The following CSRNP2 variants were observed in gnomAD, a reference collection of about 807,000 sequenced individuals.
The protein encoded by CSRNP2 is cysteine and serine rich nuclear protein 2, also known as cysteine/serine-rich nuclear protein 2.
CSRNP2 carries 11 observed loss-of-function variants against 36.6 expected under a neutral mutation model. That is an observed-to-expected ratio of 0.30 (90% confidence interval 0.19 to 0.50). The LOEUF is 0.50. Among genes scored for constraint, CSRNP2 ranks in the 20% least tolerant of loss-of-function variants. CSRNP2 has a pLI of 0.98. For synonymous variants in CSRNP2, 248 were observed against 275.3 expected (o/e 0.90, Z 0.98); for missense variants, 483 against 691.4 (o/e 0.70, Z 3.38).
rs181065280 is a variant in CSRNP2, at chr12:51,072,466, G to A, written c.411+1357C>T. Among the ~76,000 whole-genome samples, 99 of 150,348 alleles carry A rather than the reference G, an allele frequency of 6.6e-4. 2 individuals are homozygous for A. Among genetic ancestry groups the A allele is most frequent in the Admixed American group, 6.5e-3 (97 of 14,936 alleles). On this transcript the variant is annotated intron_variant, in intron 3 of 4. Transcript: ENST00000228515. ...TAGTCCCAGCTATTCAGGAGGCTGAGGCAGGAGAATGGTGTGAACCCGGGA... is the reference window on the plus strand; with the variant it reads ...TAGTCCCAGCTATTCAGGAGGCTGAAGCAGGAGAATGGTGTGAACCCGGGA...
rs539424168 is a variant in CSRNP2 at position 51,076,658 on chromosome 12, A to G, written c.-86-11T>C. ...AGGTACATTAGGATTCTGCCCAGGG[A>G]AAAAAAGGAATCAGCATTCCTGTCC... On this transcript the variant is annotated splice_polypyrimidine_tract_variant and intron_variant, in intron 1 of 4. Transcript: ENST00000228515. 28 of 1,365,252 alleles carry G rather than the reference A, an allele frequency of 2.1e-5. No individual in the cohort carries two copies. The highest frequency in any genetic ancestry group is 1.5e-4 in the Admixed American group (8 of 53,490). The allele number at this position is 1,365,252 out of a possible 1,614,324, so 84.6% of individuals were successfully genotyped here.
chr12:51,067,928 G>A lies in CSRNP2; in HGVS notation c.453C>T (p.Gly151=), dbSNP rs1231862657. 5 of 1,614,022 alleles carry A rather than the reference G, an allele frequency of 3.1e-6. No homozygotes were observed. The highest frequency in any genetic ancestry group is 4.2e-6 in the Non-Finnish European group (5 of 1,180,014). The change falls in exon 4 of 5, where the codon GGC becomes GGT. Residue 151 remains glycine, a synonymous_variant. Coordinates refer to ENST00000228515, the MANE Select transcript of CSRNP2 (RefSeq NM_030809.3). The surrounding 1 kb of genome is among the most constrained non-coding windows in gnomAD (Gnocchi z 4.1). ...CATCTGACACATCATCCAGCGTCAG[G>A]CCATCAGCCTCCACCGACTCCACTG... The part of the protein sequence containing the change: ...NGTVESVEAD[G]LTLDDVSDED...
At chr12:51,071,905 TCAGA>T (rs939471123) in intron 3 of CSRNP2, among the ~76,000 whole-genome samples, 1 of 152,122 alleles carries the variant, frequency 6.6e-6, no homozygotes, top group African/African-American at 2.4e-5. Flanking sequence ...ATGGAATTCC[TCAGA>T]CAGAGGAAAG....
Position 51,069,418 on chromosome 12 carries a change from C to A in CSRNP2, c.412-1449G>T, listed in dbSNP as rs140066046. Among the ~76,000 whole-genome samples the A allele has an allele frequency of 6.8e-4, 99 of 145,964 alleles. No homozygotes were observed. In the East Asian group the frequency reaches 0.018, roughly 27 times the overall value. ...TCTCCTGCCTCAGCCTTCCAAGTAG[C>A]TGGAATTACAGGCTCCTGCCACCAT... On this transcript the variant is annotated intron_variant, in intron 3 of 4. Coordinates refer to ENST00000228515, the MANE Select transcript of CSRNP2 (RefSeq NM_030809.3).
rs1364313109 is a variant in CSRNP2 at position 51,067,675 on chromosome 12, G to A, written c.706C>T (p.Gln236Ter). Residue 236 changes from glutamine (Q) to a stop codon, truncating the protein, a stop_gained and splice_region_variant, in exon 4 of 5, where the codon CAG (glutamine) becomes TAG (stop). Coordinates refer to ENST00000228515, the MANE Select transcript of CSRNP2 (RefSeq NM_030809.3). LOFTEE classifies it high-confidence loss of function. This position sits in a 1 kb window ranked among gnomAD's most constrained non-coding sequence, Gnocchi z 4.1. ...CACSQAGIKC[Q>*]VDRMSFPCGC... ...ATCTCAGGCCAACTTGGACTGACCT[G>A]GCATTTAATCCCAGCCTGGCTGCAG... The A allele has an allele frequency of 6.2e-7, 1 of 1,612,994 alleles. No individual in the cohort carries two copies. The highest frequency in any genetic ancestry group is 8.5e-7 in the Non-Finnish European group (1 of 1,179,252).
intron 4 of CSRNP2, among the ~76,000 whole-genome samples, chr12:51,065,305 T>C (rs1035125830): frequency 6.6e-6 from 1 of 152,190 alleles, no homozygotes; most frequent in African/African-American, 2.4e-5. Context: ...ACCAAGATAA[T>C]TAACTTACAG....
intron 1 of CSRNP2, among the ~76,000 whole-genome samples, chr12:51,079,238 G>A (rs1334147249): frequency 7.9e-5 from 12 of 151,916 alleles, no homozygotes; most frequent in Admixed American, 5.2e-4. Flanking sequence ...TGGGGGAAGC[G>A]GGGAGGGATT....
rs567119347 is a variant in CSRNP2, at chr12:51,074,149, G to A, written c.152-67C>T. The stretch of plus-strand genomic sequence containing the variant: ...TTTATTTATTTAGAGATGGAGTCTC[G>A]CTCTGTTGCCCAGGCTGGAGTGCTG... On this transcript the variant is annotated intron_variant, in intron 2 of 4. Transcript: ENST00000228515. 2.8e-4 allele frequency: 425 copies of A among 1,507,748 alleles called. 8 individuals are homozygous for A. The East Asian group carries it at 0.01, about 37-fold the overall frequency. 93.4% of individuals were successfully genotyped at this position (1,507,748 alleles called of 1,614,324 possible). A position where few individuals can be genotyped will look rare whatever the true frequency, so the allele number is the denominator to read the frequency against.
intron 4 of CSRNP2, among the ~76,000 whole-genome samples, chr12:51,066,959 AC>A (rs35837658): frequency 0.16 from 24,556 of 151,816 alleles, 2,192 homozygotes; most frequent in South Asian, 0.26. Context: ...CCTCTTGAGT[AC>A]CTGGGACTAC....
chr12:51,073,785 C>G (rs965812531), intron 3 of CSRNP2, 38 bp downstream of exon 3: 2 of 1,579,726 alleles, frequency 1.3e-6, no homozygotes, highest in Admixed American at 1.9e-5. Flanking sequence ...AAATGGTTTC[C>G]TACATGGACA....
At position 51,063,472 on chromosome 12, in the gene CSRNP2, A is replaced by G; in HGVS notation, c.*274T>C. 1 of 238,906 alleles carries G rather than the reference A, an allele frequency of 4.2e-6. No individual in the cohort carries two copies. The highest frequency in any genetic ancestry group is 1.3e-3 in the Middle Eastern group (1 of 784). The allele number at this position is 238,906 out of a possible 1,614,324, so 14.8% of individuals were successfully genotyped here. The stretch of plus-strand genomic sequence containing the variant: ...TACCCAGCTTTTCCTGTGAGATCCT[A>G]GTTCTTTGTTCCAGTGGCCCAGAAA... On this transcript the variant is annotated 3_prime_UTR_variant, in exon 5 of 5. Coordinates refer to ENST00000228515, the MANE Select transcript of CSRNP2 (RefSeq NM_030809.3).
At chr12:51,082,123 TA>T (rs1939667547) in intron 1 of CSRNP2, among the ~76,000 whole-genome samples, 1 of 152,240 alleles carries the variant, frequency 6.6e-6, no homozygotes, top group Non-Finnish European at 1.5e-5. Flanking sequence ...TAAACCTGAA[TA>T]AAATGACCTG....
intron 1 of CSRNP2, chr12:51,083,120 C>G (rs556367688): frequency 6.6e-6 from 1 of 152,614 alleles, no homozygotes; most frequent in South Asian, 2.1e-4. Flanking sequence ...TCCGGGCCAG[C>G]GTCCTCGGTG....
chr12:51,067,991 T>C lies in CSRNP2; in HGVS notation c.412-22A>G. On this transcript the variant is annotated intron_variant, in intron 3 of 4. Coordinates refer to ENST00000228515, the MANE Select transcript of CSRNP2 (RefSeq NM_030809.3). This position sits in a 1 kb window ranked among gnomAD's most constrained non-coding sequence, Gnocchi z 4.1. ...TCAGCTGCCAAGAGACAGGAAAGGT[T>C]AGCCTCATAGACATGAGCGGCATGC... 6.2e-7 allele frequency: 1 copy of C among 1,607,466 alleles called. No individual in the cohort carries two copies. Among genetic ancestry groups the C allele is most frequent in the Non-Finnish European group, 8.5e-7 (1 of 1,175,524 alleles).
In CSRNP2 at chr12:51,062,381, C is replaced by T. The variant is rs944919097; in HGVS notation, c.*1365G>A. On this transcript the variant is annotated 3_prime_UTR_variant, in exon 5 of 5. Coordinates refer to ENST00000228515, the MANE Select transcript of CSRNP2 (RefSeq NM_030809.3). ...GCTCCCTACTGCCTCCATTTTAGAA[C>T]AGAGACAAAGATCACTTTGCTAATG... 6.6e-6 allele frequency: 1 copy of T among 152,190 alleles called. No individual in the cohort carries two copies. Among genetic ancestry groups the T allele is most frequent in the Non-Finnish European group, 1.5e-5 (1 of 68,024 alleles). The allele number at this position is 152,190 out of a possible 1,614,324, so 9.4% of individuals were successfully genotyped here.
chr12:51,068,539 T>G lies in CSRNP2; in HGVS notation c.412-570A>C, dbSNP rs545946074. ...AAATCCAGAGTGGGAAGATGGGAAA[T>G]CTTACGTACCATCACCTTTCTGGGT... On this transcript the variant is annotated intron_variant, in intron 3 of 4. Coordinates refer to ENST00000228515, the MANE Select transcript of CSRNP2 (RefSeq NM_030809.3). 3.9e-5 allele frequency among the ~76,000 whole-genome samples: 6 copies of G among 152,276 alleles called. No individual in the cohort carries two copies. The Middle Eastern group carries it at 0.017, about 432-fold the overall frequency.
chr12:51,082,855 C>A (rs1193551729), intron 1 of CSRNP2, among the ~76,000 whole-genome samples: 1 of 152,116 alleles, frequency 6.6e-6, no homozygotes, highest in African/African-American at 2.4e-5. Context: ...GCTCTCGGCC[C>A]ACTTCCCTCT....
intron 4 of CSRNP2, among the ~76,000 whole-genome samples, chr12:51,065,417 A>G (rs895143974): frequency 6.6e-5 from 10 of 152,232 alleles, no homozygotes; most frequent in African/African-American, 1.2e-4. Context: ...AATTAAAACC[A>G]CAAGTAAGCA....
rs186832613 is a variant in CSRNP2, at chr12:51,073,010, C to T, written c.411+813G>A. Among the ~76,000 whole-genome samples, 469 of 151,966 alleles carry T rather than the reference C, an allele frequency of 3.1e-3. 5 individuals carry two copies. The highest frequency in any genetic ancestry group is 0.011 in the African/African-American group (437 of 41,424). ...GTCAAGAGGGAAGGACCACTTGAGC[C>T]CAGGAATTGAGACCAACCTGGGCAA... On this transcript the variant is annotated intron_variant, in intron 3 of 4. Transcript: ENST00000228515.
Sources: gnomAD v4.1 joint callset for allele counts (sites outside exome capture counted in the v4.1 genomes callset) on GRCh38, gnomAD v4.1.1 for gene constraint, Gnocchi (gnomAD v3.1) non-coding constraint, MANE v1.5 for transcripts, NCBI Gene and HGNC (gene_info 2026-07-23, HGNC 2026-07-21) for gene names.